The following GRIN2A variants were observed in gnomAD, a reference collection of about 807,000 sequenced individuals.
GRIN2A encodes the protein glutamate receptor ionotropic, NMDA 2A.
GRIN2A carries 22 observed loss-of-function variants against 113.4 expected under a neutral mutation model. The ratio of observed to expected loss-of-function variants is 0.19; its 90% CI spans 0.14 to 0.28. GRIN2A has a LOEUF of 0.28. Among genes scored for constraint, GRIN2A ranks in the 10% least tolerant of loss-of-function variants. The pLI is 1.00. For synonymous variants in GRIN2A, 827 were observed against 738.4 expected, an observed-to-expected ratio of 1.12 and a Z score of -1.94; for missense variants, 1,502 against 1,887.0, an observed-to-expected ratio of 0.80 and a Z score of 3.78.
In GRIN2A at chr16:9,914,905, CTTTTTTTTTTTTTTTTTTTTTTTTTTT is replaced by C. The variant is rs869182389; in HGVS notation, c.1007+23027_1007+23053del. Among the ~76,000 whole-genome samples the C allele has an allele frequency of 8.1e-3, 272 of 33,476 alleles. 8 individuals carry two copies. The highest frequency in any genetic ancestry group is 0.022 in the Middle Eastern group (1 of 46). The allele number at this position is 33,476 out of a possible 152,430, so 22.0% of individuals were successfully genotyped here. On this transcript the variant is annotated intron_variant, in intron 3 of 12. Transcript: ENST00000330684. ...TATTTACAGCCTATTGATTATGCAG[CTTTTTTTTTTTTTTTTTTTTTTTTTTT>C]TTTTTTTTTTTTTTTTTTTAATGAG...
chr16:9,950,455 A>G (rs1357603940), intron 2 of GRIN2A, among the ~76,000 whole-genome samples: 1 of 152,150 alleles, frequency 6.6e-6, no homozygotes, highest in Non-Finnish European at 1.5e-5. Flanking sequence ...CACCCATCAG[A>G]TGTGGGTACC....
At chr16:9,807,198 A>G (rs2041988553) in intron 10 of GRIN2A, among the ~76,000 whole-genome samples, 2 of 125,448 alleles carry the variant, frequency 1.6e-5, no homozygotes, top group Non-Finnish European at 3.3e-5. Context: ...ACAGAGAGAG[A>G]GAGGGAGATG....
chr16:9,757,414 C>G lies in GRIN2A; in HGVS notation c.*5735G>C, dbSNP rs1417584981. ...ATAGAATCAGATTATTTTTTTTTTC[C>G]TGGCTACAACTTTAGTTGTCATTTC... On this transcript the variant is annotated 3_prime_UTR_variant, in exon 13 of 13. Coordinates refer to ENST00000330684, the MANE Select transcript of GRIN2A (RefSeq NM_001134407.3). 4.5e-6 allele frequency: 1 copy of G among 220,854 alleles called. No homozygotes were observed. Among genetic ancestry groups the G allele is most frequent in the African/African-American group, 2.3e-5 (1 of 43,024 alleles). The allele number at this position is 220,854 out of a possible 1,614,324, so 13.7% of individuals were successfully genotyped here.
At chr16:9,820,114 G>A (rs968840805) in intron 10 of GRIN2A, among the ~76,000 whole-genome samples, 12 of 151,694 alleles carry the variant, frequency 7.9e-5, no homozygotes, top group African/African-American at 2.9e-4. Context: ...ACAATTTATG[G>A]CCACGAATGG....
At chr16:9,992,633 C>A (rs2046141145) in intron 2 of GRIN2A, among the ~76,000 whole-genome samples, 1 of 152,156 alleles carries the variant, frequency 6.6e-6, no homozygotes, top group Non-Finnish European at 1.5e-5. Context: ...GCTGATGGGG[C>A]AGGTTATAAA....
intron 10 of GRIN2A, among the ~76,000 whole-genome samples, chr16:9,800,269 G>C (rs1903281111): frequency 6.6e-6 from 1 of 152,092 alleles, no homozygotes; most frequent in Non-Finnish European, 1.5e-5. Flanking sequence ...ATTATGATTA[G>C]ATCCCTGTCA....
intron 2 of GRIN2A, among the ~76,000 whole-genome samples, chr16:10,049,616 T>C (rs953549015): frequency 6.6e-6 from 1 of 152,196 alleles, no homozygotes; most frequent in Non-Finnish European, 1.5e-5. Context: ...TGACATCAGG[T>C]GATCCACCCG....
intron 2 of GRIN2A, among the ~76,000 whole-genome samples, chr16:9,982,991 A>G (rs755580552): frequency 4.5e-4 from 68 of 152,312 alleles, no homozygotes; most frequent in Non-Finnish European, 8.7e-4. Flanking sequence ...TACTTTTTAA[A>G]TTGACATTGT....
intron 2 of GRIN2A, among the ~76,000 whole-genome samples, chr16:10,147,233 C>T (rs920474811): frequency 1.3e-5 from 2 of 151,974 alleles, no homozygotes; most frequent in African/African-American, 4.8e-5. Flanking sequence ...TTGCCCTCCC[C>T]CCAGCAAATA....
intron 2 of GRIN2A, among the ~76,000 whole-genome samples, chr16:10,023,735 A>G (rs2046768067): frequency 6.6e-6 from 1 of 152,222 alleles, no homozygotes. Flanking sequence ...TACAAACAGA[A>G]ATAATGTGAG....
intron 3 of GRIN2A, among the ~76,000 whole-genome samples, chr16:9,933,424 C>T (rs4780717): frequency 0.2 from 30,038 of 152,026 alleles, 3,145 homozygotes; most frequent in Middle Eastern, 0.25. Flanking sequence ...TTGTTCTCAA[C>T]CAGTCAAATC....
intron 2 of GRIN2A, among the ~76,000 whole-genome samples, chr16:9,953,676 G>C (rs1036931520): frequency 6.6e-6 from 1 of 152,164 alleles, no homozygotes; most frequent in Non-Finnish European, 1.5e-5. Flanking sequence ...AGGAATGTAG[G>C]AGAGGTACGA....
chr16:9,798,494 G>A (rs761326931), intron 10 of GRIN2A, 30 bp from the exon 11 acceptor site: 16 of 1,592,724 alleles, frequency 1.0e-5, no homozygotes, highest in South Asian at 7.7e-5. Flanking sequence ...GGGGGTCATA[G>A]GGGTGGCCAG....
chr16:10,097,367 G>A (rs768518241), intron 2 of GRIN2A, among the ~76,000 whole-genome samples: 10 of 152,204 alleles, frequency 6.6e-5, no homozygotes, highest in Non-Finnish European at 1.5e-4. Flanking sequence ...AACAGAGAAT[G>A]AGGACCCGGG....
At position 9,796,490 on chromosome 16, in the gene GRIN2A, T is replaced by A. The variant is rs375686706; in HGVS notation, c.2356+1787A>T. Among the ~76,000 whole-genome samples, 47 of 152,338 alleles carry A rather than the reference T, an allele frequency of 3.1e-4. 1 individual carries two copies. Among genetic ancestry groups the A allele is most frequent in the African/African-American group, 1.1e-3 (46 of 41,578 alleles). On this transcript the variant is annotated intron_variant, in intron 11 of 12. Coordinates refer to ENST00000330684, the MANE Select transcript of GRIN2A (RefSeq NM_001134407.3). ...CCATAAAACTTCAAGACCTATCTCA[T>A]GAAAGGCAGAGTATACCTGCAATCC...
At chr16:9,970,392 A>C (rs2045647421) in intron 2 of GRIN2A, among the ~76,000 whole-genome samples, 1 of 152,238 alleles carries the variant, frequency 6.6e-6, no homozygotes, top group Non-Finnish European at 1.5e-5. Context: ...AGACTGGAGT[A>C]GAGACCAATG....
chr16:10,119,323 G>A (rs2048787912), intron 2 of GRIN2A, among the ~76,000 whole-genome samples: 1 of 151,660 alleles, frequency 6.6e-6, no homozygotes, highest in Admixed American at 6.6e-5. Flanking sequence ...ATTTGACACA[G>A]GTGGATATCT....
At chr16:9,899,283 A>C (rs1261997576) in intron 3 of GRIN2A, among the ~76,000 whole-genome samples, 1 of 151,714 alleles carries the variant, frequency 6.6e-6, no homozygotes, top group Non-Finnish European at 1.5e-5. Context: ...TACTAAAAAT[A>C]CCAAAAATTA....
intron 2 of GRIN2A, among the ~76,000 whole-genome samples, chr16:10,164,187 C>G (rs752255968): frequency 2.6e-5 from 4 of 152,208 alleles, no homozygotes; most frequent in Non-Finnish European, 5.9e-5. Flanking sequence ...TTACTCACAA[C>G]CTTTGTCAAT....
Sources: gnomAD v4.1 joint callset for allele counts (sites outside exome capture counted in the v4.1 genomes callset) on GRCh38, gnomAD v4.1.1 for gene constraint, MANE v1.5 for transcripts, NCBI Gene and HGNC (gene_info 2026-07-23, HGNC 2026-07-21) for gene names.